The following TSPAN15 variants were observed in gnomAD, a reference collection of about 807,000 sequenced individuals.
TSPAN15 encodes the protein tetraspanin 15, also known as tetraspanin-15.
A neutral mutation model predicts 34.5 loss-of-function variants in TSPAN15; 20 were observed. The observed-to-expected ratio is 0.58, with a 90% CI of 0.41 to 0.84. The LOEUF (loss-of-function observed/expected upper bound fraction) is 0.84, where lower values mean the gene tolerates loss of function less well. Among genes scored for constraint, TSPAN15 ranks in the 40% least tolerant of loss-of-function variants. The pLI is 0.00. For synonymous variants in TSPAN15, 155 were observed against 153.9 expected (o/e 1.01, Z -0.05); for missense variants, 313 against 386.1 (o/e 0.81, Z 1.59).
chr10:69,498,236 C>G (rs1223235037), intron 4 of TSPAN15, 44 bp from the exon 5 acceptor site: 2 of 1,576,082 alleles, frequency 1.3e-6, no homozygotes, highest in Non-Finnish European at 1.7e-6. Flanking sequence ...TGAGCAGGGC[C>G]TGGGCGATGA....
chr10:69,520,241 C>T, the TSPAN15 span, among the ~76,000 whole-genome samples: 2 of 152,226 alleles, frequency 1.3e-5, no homozygotes, highest in South Asian at 4.1e-4. Context: ...CTTTTCTAGG[C>T]TCCACACAAG....
chr10:69,459,923 C>T (rs188041965), intron 1 of TSPAN15, among the ~76,000 whole-genome samples: 6 of 112,670 alleles, frequency 5.3e-5, no homozygotes, highest in Admixed American at 2.7e-4. Flanking sequence ...TCTAGGCACC[C>T]CCCCCCCACG....
At chr10:69,539,482 G>GAAGAAGAAGA in the TSPAN15 span, among the ~76,000 whole-genome samples, 2 of 67,054 alleles carry the variant, frequency 3.0e-5, no homozygotes, top group African/African-American at 1.1e-4. Context: ...GAAGGAGAAG[G>GAAGAAGAAGA]AGAAGAAGAA....
intron 1 of TSPAN15, among the ~76,000 whole-genome samples, chr10:69,470,752 G>A (rs1841487655): frequency 6.6e-6 from 1 of 152,134 alleles, no homozygotes; most frequent in Non-Finnish European, 1.5e-5. Flanking sequence ...ATCACAGTTG[G>A]AACAGAGCAC....
the TSPAN15 span, among the ~76,000 whole-genome samples, chr10:69,539,534 AGAAGGAGAAGG>A: frequency 4.7e-5 from 3 of 63,566 alleles, 1 homozygote; most frequent in East Asian, 1.0e-3. Flanking sequence ...AAGAAGAAGA[AGAAGGAGAAGG>A]AGAAGGAGAA....
intron 1 of TSPAN15, among the ~76,000 whole-genome samples, chr10:69,460,859 AT>A (rs1841237077): frequency 6.6e-6 from 1 of 152,096 alleles, no homozygotes; most frequent in Non-Finnish European, 1.5e-5. Context: ...GAGGTCAGAA[AT>A]GTCCTCTGGG....
intron 2 of TSPAN15, among the ~76,000 whole-genome samples, chr10:69,484,477 G>A (rs751095084): frequency 1.3e-4 from 20 of 152,318 alleles, no homozygotes; most frequent in Non-Finnish European, 2.1e-4. Context: ...GTGGGGTGAG[G>A]GATGACTCCC....
the TSPAN15 span, among the ~76,000 whole-genome samples, chr10:69,519,825 C>T: frequency 6.6e-6 from 1 of 152,048 alleles, no homozygotes; most frequent in Non-Finnish European, 1.5e-5. Flanking sequence ...CTCTGCCTCC[C>T]GGGTTCAATC....
intron 1 of TSPAN15, among the ~76,000 whole-genome samples, chr10:69,460,339 C>T (rs956490578): frequency 1.3e-5 from 2 of 152,140 alleles, no homozygotes; most frequent in African/African-American, 4.8e-5. Flanking sequence ...GGGTCCCAGC[C>T]CTCGGTCAGC....
chr10:69,465,982 C>CA, intron 1 of TSPAN15, among the ~76,000 whole-genome samples: 1 of 152,338 alleles, frequency 6.6e-6, no homozygotes, highest in South Asian at 2.1e-4. Context: ...CTTCCCAGGG[C>CA]AGGGGCCACA....
chr10:69,486,685 C>T (rs13328798), intron 3 of TSPAN15, among the ~76,000 whole-genome samples: 2,596 of 152,312 alleles, frequency 0.017, 78 homozygotes, highest in African/African-American at 0.06. Context: ...TCTCAGATGG[C>T]CCAGGATCTG....
chr10:69,496,034 T>C (rs1842073223), intron 4 of TSPAN15, among the ~76,000 whole-genome samples: 1 of 152,106 alleles, frequency 6.6e-6, no homozygotes, highest in Admixed American at 6.5e-5. Context: ...CACCCTCCAA[T>C]GGGCAAGGAT....
At chr10:69,455,912 T>A (rs1219637899) in intron 1 of TSPAN15, among the ~76,000 whole-genome samples, 1 of 151,940 alleles carries the variant, frequency 6.6e-6, no homozygotes, top group Non-Finnish European at 1.5e-5. Flanking sequence ...CCTCAAACCC[T>A]CTTCTAGGCA....
At chr10:69,472,002 A>G (rs1814713347) in intron 1 of TSPAN15, among the ~76,000 whole-genome samples, 1 of 152,224 alleles carries the variant, frequency 6.6e-6, no homozygotes, top group Non-Finnish European at 1.5e-5. Flanking sequence ...CAGAATCTTC[A>G]AACATTTTTA....
At chr10:69,470,873 C>T (rs949406825) in intron 1 of TSPAN15, among the ~76,000 whole-genome samples, 12 of 152,174 alleles carry the variant, frequency 7.9e-5, no homozygotes, top group Non-Finnish European at 1.5e-4. Flanking sequence ...CTACATGCTC[C>T]CTCTCCAGCA....
the TSPAN15 span, among the ~76,000 whole-genome samples, chr10:69,516,917 C>T: frequency 6.6e-6 from 1 of 152,152 alleles, no homozygotes; most frequent in Admixed American, 6.5e-5. Flanking sequence ...TGGAAATGGC[C>T]TGGAGCTGTG....
the TSPAN15 span, among the ~76,000 whole-genome samples, chr10:69,547,447 C>G: frequency 1.3e-5 from 2 of 152,178 alleles, no homozygotes; most frequent in Non-Finnish European, 2.9e-5. Flanking sequence ...AGGATGAAGT[C>G]TGTTCTTCAT....
chr10:69,545,634 A>T, the TSPAN15 span, among the ~76,000 whole-genome samples: 1 of 152,352 alleles, frequency 6.6e-6, no homozygotes, highest in South Asian at 2.1e-4. Context: ...CTACTCTAGG[A>T]GGTAGCTGAG....
At chr10:69,480,076 G>C (rs959998201) in intron 1 of TSPAN15, among the ~76,000 whole-genome samples, 1 of 152,216 alleles carries the variant, frequency 6.6e-6, no homozygotes, top group Non-Finnish European at 1.5e-5. Flanking sequence ...GCCAGCAAGG[G>C]TGTTCTGGAG....
Sources: allele counts gnomAD v4.1 joint callset (sites outside exome capture counted in the v4.1 genomes callset), GRCh38; gene constraint gnomAD v4.1.1; transcripts MANE v1.5; gene names NCBI Gene and HGNC (gene_info 2026-07-23, HGNC 2026-07-21).